The following FAM13A variants were observed in gnomAD, a reference collection of about 807,000 sequenced individuals.
The protein encoded by FAM13A is protein FAM13A.
Under a neutral mutation model 129.6 loss-of-function variants are expected in FAM13A, and 76 were observed. That is an observed-to-expected ratio of 0.59 (90% CI 0.49 to 0.71). FAM13A has a LOEUF of 0.71. Ranked by LOEUF, FAM13A falls within the 30% of genes least tolerant of loss-of-function variation. The pLI is 0.00. For missense variants in FAM13A, 1,108 were observed against 1,249.3 expected (o/e 0.89, Z 1.70); for synonymous variants, 443 against 449.9 (o/e 0.98, Z 0.20).
intron 12 of FAM13A, 83 bp from the exon 13 acceptor site, chr4:88,767,678 A>C: frequency 8.9e-7 from 1 of 1,120,568 alleles, no homozygotes; most frequent in East Asian, 2.5e-5. Context: ...TTATGATTTA[A>C]TTTAAGAGTA....
At chr4:89,051,063 C>A (rs1771531255) in intron 1 of FAM13A, among the ~76,000 whole-genome samples, 1 of 152,200 alleles carries the variant, frequency 6.6e-6, no homozygotes, top group Admixed American at 6.5e-5. Flanking sequence ...AGGACAGATA[C>A]AACTACATAT....
rs1457341051 is a variant in FAM13A at position 88,787,893 on chromosome 4, ATGT to A, written c.1128_1130del (p.Gln376del). On this transcript the variant is annotated inframe_deletion, in exon 10 of 24. Transcript: ENST00000264344. Reference sequence around the variant, plus strand: ...CTCCAGAGTTATTAACATCAAAAAGATGTTGTTCTACAGCTGATCGGATGGTTC... The same window carrying A: ...CTCCAGAGTTATTAACATCAAAAAGATGTTCTACAGCTGATCGGATGGTTC... 5 of 1,613,470 alleles carry A rather than the reference ATGT, an allele frequency of 3.1e-6. No homozygotes were observed. The highest frequency in any genetic ancestry group is 2.2e-5 in the East Asian group (1 of 44,836).
rs80340961 is a variant in FAM13A, at chr4:89,013,617, C to T, written c.427+6843G>A. ...CCCAGTGATGTCATAGCCATCATAA[C>T]GTCCTACTGCAACATATTACTTATG... On this transcript the variant is annotated intron_variant, in intron 3 of 23. Coordinates refer to ENST00000264344, the MANE Select transcript of FAM13A (RefSeq NM_014883.4). 6.5e-3 allele frequency among the ~76,000 whole-genome samples: 985 copies of T among 152,218 alleles called. 14 individuals carry two copies. The highest frequency in any genetic ancestry group is 0.023 in the African/African-American group (935 of 41,544).
intron 14 of FAM13A, among the ~76,000 whole-genome samples, chr4:88,754,197 A>G (rs982868290): frequency 2.4e-4 from 37 of 152,334 alleles, no homozygotes; most frequent in African/African-American, 8.7e-4. Context: ...TTAAAAATTA[A>G]TCCACCCAGG....
At chr4:88,880,648 G>A (rs1283732336) in intron 6 of FAM13A, among the ~76,000 whole-genome samples, 3 of 152,146 alleles carry the variant, frequency 2.0e-5, no homozygotes. Context: ...GCCATGGCAG[G>A]TGGGGAGGTG....
At chr4:88,980,258 G>C (rs368599001) in intron 4 of FAM13A, among the ~76,000 whole-genome samples, 1 of 152,186 alleles carries the variant, frequency 6.6e-6, no homozygotes, top group Non-Finnish European at 1.5e-5. Context: ...ATAAACTGAC[G>C]TGTGACCAGG....
At chr4:89,018,388 T>C (rs1301087267) in intron 3 of FAM13A, among the ~76,000 whole-genome samples, 4 of 152,224 alleles carry the variant, frequency 2.6e-5, no homozygotes, top group Admixed American at 1.3e-4. Context: ...ACCTTGATCT[T>C]GGACTTGCAG....
chr4:88,744,548 T>C (rs1740901603), intron 19 of FAM13A, among the ~76,000 whole-genome samples: 1 of 152,178 alleles, frequency 6.6e-6, no homozygotes, highest in African/African-American at 2.4e-5. Flanking sequence ...TAAATCAGTA[T>C]CTGTAGACTC....
intron 4 of FAM13A, among the ~76,000 whole-genome samples, chr4:88,953,566 G>A (rs866307555): frequency 2.0e-5 from 3 of 152,236 alleles, no homozygotes; most frequent in Middle Eastern, 6.8e-3. Flanking sequence ...TCACATAGTG[G>A]TGAAACAGAT....
At chr4:89,002,744 T>C (rs892496675) in intron 3 of FAM13A, among the ~76,000 whole-genome samples, 4 of 151,918 alleles carry the variant, frequency 2.6e-5, no homozygotes, top group Admixed American at 6.6e-5. Flanking sequence ...AGAAAACCCA[T>C]AAACAGATAA....
At chr4:88,758,604 G>T (rs2149506275) in intron 14 of FAM13A, 150 bp downstream of exon 14, 2 of 739,120 alleles carry the variant, frequency 2.7e-6, no homozygotes, top group Non-Finnish European at 4.3e-6. Context: ...TCCTATGACA[G>T]GTCAAGGATT....
intron 22 of FAM13A, 184 bp from the exon 23 acceptor site, chr4:88,731,612 A>G (rs569519767): frequency 2.0e-4 from 111 of 559,290 alleles, no homozygotes; most frequent in African/African-American, 2.0e-3. Flanking sequence ...CATGCTGGCA[A>G]CAGATCCAGC....
intron 4 of FAM13A, among the ~76,000 whole-genome samples, chr4:88,953,273 G>T (rs1027234516): frequency 3.3e-5 from 5 of 151,768 alleles, no homozygotes. Flanking sequence ...TGGCCAACAT[G>T]GTGAAACCCC....
intron 3 of FAM13A, among the ~76,000 whole-genome samples, chr4:89,002,833 G>A (rs992568430): frequency 6.6e-6 from 1 of 152,092 alleles, no homozygotes; most frequent in Non-Finnish European, 1.5e-5. Flanking sequence ...AGACGAGAAT[G>A]TTCTAAAAGA....
At chr4:89,008,865 T>A (rs1034060640) in intron 3 of FAM13A, 1 of 152,224 alleles carries the variant, frequency 6.6e-6, no homozygotes, top group Non-Finnish European at 1.5e-5. Flanking sequence ...ACATAATTGA[T>A]GCTCAGAATT....
At chr4:88,895,055 AATATG>A (rs1170738762) in intron 6 of FAM13A, among the ~76,000 whole-genome samples, 35 of 152,070 alleles carry the variant, frequency 2.3e-4, no homozygotes, top group African/African-American at 8.0e-4. Flanking sequence ...AAAATGGCTA[AATATG>A]ATATGACAAC....
At chr4:89,008,261 T>C (rs1765313406) in intron 3 of FAM13A, among the ~76,000 whole-genome samples, 1 of 152,166 alleles carries the variant, frequency 6.6e-6, no homozygotes, top group South Asian at 2.1e-4. Flanking sequence ...GTGCCCACAG[T>C]GGAAGACAGC....
intron 3 of FAM13A, among the ~76,000 whole-genome samples, chr4:89,017,416 C>G (rs964995284): frequency 6.6e-6 from 1 of 151,870 alleles, no homozygotes; most frequent in Non-Finnish European, 1.5e-5. Flanking sequence ...GGAATCACGT[C>G]ATAAAGAATA....
intron 7 of FAM13A, among the ~76,000 whole-genome samples, chr4:88,835,084 A>C (rs957633434): frequency 6.6e-6 from 1 of 152,162 alleles, no homozygotes; most frequent in Non-Finnish European, 1.5e-5. Context: ...TTCATAGCCT[A>C]CAATGTAAAA....
Sources: allele counts gnomAD v4.1 joint callset (sites outside exome capture counted in the v4.1 genomes callset), GRCh38; gene constraint gnomAD v4.1.1; transcripts MANE v1.5; gene names NCBI Gene and HGNC (gene_info 2026-07-23, HGNC 2026-07-21).